The following TRMT10B variants were observed in gnomAD, a reference collection of about 807,000 sequenced individuals.
TRMT10B encodes the protein tRNA methyltransferase 10 homolog B.
Under a neutral mutation model 43.8 loss-of-function variants are expected in TRMT10B, and 33 were observed. The observed-to-expected ratio is 0.75, with a 90% CI of 0.57 to 1.01. The LOEUF (loss-of-function observed/expected upper bound fraction) is 1.01. Ranked by LOEUF, TRMT10B falls within the 50% of genes least tolerant of loss-of-function variation. The pLI, the probability that TRMT10B is intolerant of heterozygous loss-of-function variation, is 0.00. For missense variants in TRMT10B, 362 were observed against 369.8 expected (o/e 0.98, Z 0.17); for synonymous variants, 137 against 130.6 (o/e 1.05, Z -0.34).
chr9:37,777,110 C>T (rs972647029), intron 8 of TRMT10B, among the ~76,000 whole-genome samples: 8 of 129,440 alleles, frequency 6.2e-5, no homozygotes, highest in African/African-American at 2.3e-4. Flanking sequence ...AAGAGAATTG[C>T]TTGAATCTGG....
chr9:37,770,571 G>C, intron 6 of TRMT10B, 101 bp from the exon 7 acceptor site: 2 of 1,119,414 alleles, frequency 1.8e-6, no homozygotes, highest in Non-Finnish European at 2.5e-6. Context: ...GTTTTCTACT[G>C]AATTTCTACT....
chr9:37,761,541 T>C (rs1056355915), intron 1 of TRMT10B, among the ~76,000 whole-genome samples: 3 of 151,892 alleles, frequency 2.0e-5, no homozygotes, highest in Non-Finnish European at 4.4e-5. Context: ...CTACTAAAAA[T>C]AGAAAAATTA....
chr9:37,770,623 A>G (rs1420394683), intron 6 of TRMT10B, 49 bp from the exon 7 acceptor site: 2 of 1,519,232 alleles, frequency 1.3e-6, no homozygotes, highest in Admixed American at 1.8e-5. Flanking sequence ...CTCTGGATTT[A>G]GAAATTATAA....
intron 4 of TRMT10B, chr9:37,767,399 G>A (rs1030594894): frequency 6.6e-6 from 1 of 150,652 alleles, no homozygotes; most frequent in African/African-American, 2.4e-5. Context: ...TGTAGTCCCA[G>A]CTACTCAGGA....
intron 7 of TRMT10B, among the ~76,000 whole-genome samples, chr9:37,773,290 T>TC (rs1315107740): frequency 6.8e-6 from 1 of 147,336 alleles, no homozygotes; most frequent in Non-Finnish European, 1.5e-5. Context: ...TTTTTTTTTT[T>TC]CTGTATTTTT....
chr9:37,763,937 TA>T, intron 4 of TRMT10B, 184 bp downstream of exon 4: 1 of 1,257,092 alleles, frequency 8.0e-7, no homozygotes, highest in Non-Finnish European at 1.1e-6. Flanking sequence ...TGGAAGAGAA[TA>T]TATATAGTTT....
chr9:37,773,972 A>C (rs151309220), intron 7 of TRMT10B, among the ~76,000 whole-genome samples: 1,719 of 148,232 alleles, frequency 0.012, 31 homozygotes, highest in African/African-American at 0.039. Flanking sequence ...AAAAAAAAAA[A>C]AACAACAATA....
chr9:37,764,315 ATTTTTTTTTTT>A (rs753115932), intron 4 of TRMT10B, among the ~76,000 whole-genome samples: 14 of 110,582 alleles, frequency 1.3e-4, no homozygotes, highest in Admixed American at 5.1e-4. Flanking sequence ...CGCCTGACAA[ATTTTTTTTTTT>A]TTTTTTTTTT....
chr9:37,753,101 C>T (rs535428619), upstream of TRMT10B, among the ~76,000 whole-genome samples: 20 of 152,140 alleles, frequency 1.3e-4, no homozygotes, highest in East Asian at 3.9e-4. Flanking sequence ...GGTGTGCCCT[C>T]TTAAGAGATT....
intron 1 of TRMT10B, among the ~76,000 whole-genome samples, chr9:37,758,756 G>GAA (rs376505276): frequency 2.1e-4 from 32 of 152,292 alleles, no homozygotes; most frequent in African/African-American, 6.7e-4. Context: ...AGGATATGAA[G>GAA]AAATTGTTTT....
chr9:37,776,466 T>C, intron 8 of TRMT10B, 61 bp downstream of exon 8: 1 of 1,521,480 alleles, frequency 6.6e-7, no homozygotes, highest in African/African-American at 1.4e-5. Context: ...CTTTGCACTG[T>C]GTTTAAGTGG....
intron 1 of TRMT10B, among the ~76,000 whole-genome samples, chr9:37,761,393 A>G (rs1415335596): frequency 6.6e-6 from 1 of 152,182 alleles, no homozygotes; most frequent in African/African-American, 2.4e-5. Flanking sequence ...GGTGTTGTGC[A>G]TGTCCTCTAA....
intron 1 of TRMT10B, among the ~76,000 whole-genome samples, chr9:37,761,536 A>G (rs1826329400): frequency 6.6e-6 from 1 of 152,112 alleles, no homozygotes. Flanking sequence ...CATCTCTACT[A>G]AAAATAGAAA....
At chr9:37,765,052 C>T (rs998152669) in intron 4 of TRMT10B, among the ~76,000 whole-genome samples, 5 of 151,996 alleles carry the variant, frequency 3.3e-5, no homozygotes, top group African/African-American at 1.2e-4. Flanking sequence ...TGGCAGGGAA[C>T]CAAAACTCCT....
rs1349656881 is a variant in TRMT10B at position 37,768,093 on chromosome 9, T to C, written c.438T>C (p.Ala146=). ...CTTTGAAGGAATTAAGTAGACTGGC[T>C]GGACAGATTCGAAGGTTGTATGGTT... ...YMSKKELSRL[A]GQIRRLYGSN... The change falls in exon 5 of 9, where the codon GCT becomes GCC. Residue 146 remains alanine (A), a synonymous_variant. Transcript: ENST00000297994. The C allele has an allele frequency of 2.2e-5, 35 of 1,614,010 alleles. No individual in the cohort carries two copies. Among genetic ancestry groups the C allele is most frequent in the Non-Finnish European group, 2.8e-5 (33 of 1,180,002 alleles).
intron 5 of TRMT10B, among the ~76,000 whole-genome samples, chr9:37,768,670 T>C (rs538998427): frequency 6.6e-6 from 1 of 152,350 alleles, no homozygotes; most frequent in East Asian, 1.9e-4. Context: ...CATGCAAGAA[T>C]CCAAATGAGT....
At chr9:37,770,098 C>T in intron 6 of TRMT10B, 79 bp downstream of exon 6, 1 of 1,335,554 alleles carries the variant, frequency 7.5e-7, no homozygotes, top group Non-Finnish European at 1.1e-6. Context: ...TTTATTAAAG[C>T]CCCTCAAGAA....
intron 6 of TRMT10B, among the ~76,000 whole-genome samples, chr9:37,770,389 T>C (rs1392247460): frequency 6.6e-6 from 1 of 152,262 alleles, no homozygotes; most frequent in Non-Finnish European, 1.5e-5. Context: ...CAGTTGATCA[T>C]AGTATTCTCA....
chr9:37,776,666 G>A (rs554933073), intron 8 of TRMT10B, among the ~76,000 whole-genome samples: 9 of 152,198 alleles, frequency 5.9e-5, no homozygotes, highest in Admixed American at 2.0e-4. Context: ...TTCAGAGGCC[G>A]AGGTGGGTGG....
Sources: gnomAD v4.1 joint callset for allele counts (sites outside exome capture counted in the v4.1 genomes callset) on GRCh38, gnomAD v4.1.1 for gene constraint, MANE v1.5 for transcripts, NCBI Gene and HGNC (gene_info 2026-07-23, HGNC 2026-07-21) for gene names.